Variants in MEF2A observed in about 807,000 individuals in gnomAD.
MEF2A encodes myocyte-specific enhancer factor 2A.
In MEF2A, 28 loss-of-function variants were observed where a neutral mutation model predicts 55.8. The ratio of observed to expected loss-of-function variants is 0.50; its 90% CI spans 0.37 to 0.69. MEF2A has a LOEUF of 0.69. Among genes scored for constraint, MEF2A ranks in the 30% least tolerant of loss-of-function variants. The pLI is 0.00. For synonymous variants in MEF2A, 239 were observed against 227.1 expected, an observed-to-expected ratio of 1.05 and a Z score of -0.47; for missense variants, 528 against 626.2, an observed-to-expected ratio of 0.84 and a Z score of 1.67.
At chr15:99,640,721 G>T (rs2044737274) in intron 3 of MEF2A, among the ~76,000 whole-genome samples, 1 of 151,646 alleles carries the variant, frequency 6.6e-6, no homozygotes, top group South Asian at 2.1e-4. Context: ...GCTAATTTTT[G>T]TACTTTTTGC....
At chr15:99,607,871 C>T (rs540676895) in intron 2 of MEF2A, among the ~76,000 whole-genome samples, 21 of 152,214 alleles carry the variant, frequency 1.4e-4, no homozygotes, top group African/African-American at 3.6e-4. Context: ...TAATGATTTT[C>T]GTAATACTAT....
At chr15:99,625,729 T>A (rs2041941232) in intron 2 of MEF2A, among the ~76,000 whole-genome samples, 1 of 152,158 alleles carries the variant, frequency 6.6e-6, no homozygotes, top group Non-Finnish European at 1.5e-5. Flanking sequence ...CTAATTTAGA[T>A]GATCATGTTT....
chr15:99,645,933 G>T, intron 4 of MEF2A, 169 bp downstream of exon 4: 1 of 508,152 alleles, frequency 2.0e-6, no homozygotes, highest in Non-Finnish European at 3.5e-6. Context: ...ACTCACTTGT[G>T]TTATAAACAT....
chr15:99,622,702 C>CTTTTTTTTTTTTTTTTTTTTTTTT (rs56054040), intron 2 of MEF2A, among the ~76,000 whole-genome samples: 1 of 135,700 alleles, frequency 7.4e-6, no homozygotes, highest in Non-Finnish European at 1.6e-5. Context: ...GTTTTCTTTT[C>CTTTTTTTTTTTTTTTTTTTTTTTT]TTTTTTTTTT....
chr15:99,694,067 C>G (rs987433699), intron 8 of MEF2A, among the ~76,000 whole-genome samples: 1 of 152,112 alleles, frequency 6.6e-6, no homozygotes, highest in East Asian at 1.9e-4. Flanking sequence ...GTGTCTTTTT[C>G]TATTCTAGGA....
At chr15:99,662,180 G>A (rs2048764644) in intron 4 of MEF2A, among the ~76,000 whole-genome samples, 1 of 152,178 alleles carries the variant, frequency 6.6e-6, no homozygotes, top group Admixed American at 6.5e-5. Flanking sequence ...AGGGTTATGG[G>A]ATGAAGGGAG....
chr15:99,675,543 G>A (rs974374350), intron 7 of MEF2A, 85 bp downstream of exon 7: 4 of 1,240,128 alleles, frequency 3.2e-6, no homozygotes, highest in Non-Finnish European at 4.6e-6. Flanking sequence ...AAAGCTTTCT[G>A]GGAAATTTCC....
At chr15:99,621,335 G>A (rs957606225) in intron 2 of MEF2A, among the ~76,000 whole-genome samples, 5 of 151,960 alleles carry the variant, frequency 3.3e-5, no homozygotes, top group Non-Finnish European at 7.4e-5. Context: ...TCTTTTGATT[G>A]TGTTGGGATG....
chr15:99,671,719 T>G, intron 5 of MEF2A: 1 of 1,418,956 alleles, frequency 7.0e-7, no homozygotes, highest in Non-Finnish European at 9.2e-7. Context: ...CCAAACATCT[T>G]GTTGCTTATT....
chr15:99,668,330 C>T (rs554994297), intron 4 of MEF2A, among the ~76,000 whole-genome samples: 7 of 152,242 alleles, frequency 4.6e-5, no homozygotes, highest in African/African-American at 1.7e-4. Flanking sequence ...TAATATTGAT[C>T]TTTATAGCAG....
intron 1 of MEF2A, among the ~76,000 whole-genome samples, chr15:99,577,212 A>G (rs1479348544): frequency 6.6e-6 from 1 of 152,254 alleles, no homozygotes; most frequent in African/African-American, 2.4e-5. Flanking sequence ...AGCATAGTGG[A>G]AGGAATATTA....
At chr15:99,676,937 A>G (rs1345127962) in intron 7 of MEF2A, among the ~76,000 whole-genome samples, 2 of 152,056 alleles carry the variant, frequency 1.3e-5, no homozygotes, top group Non-Finnish European at 2.9e-5. Context: ...CCTGGCCCAC[A>G]TGGCAAAACC....
At chr15:99,672,565 G>T (rs1262117548) in intron 5 of MEF2A, among the ~76,000 whole-genome samples, 2 of 152,162 alleles carry the variant, frequency 1.3e-5, no homozygotes, top group Non-Finnish European at 2.9e-5. Context: ...TAGCATCAGA[G>T]TTAATTCTTT....
Position 99,645,782 on chromosome 15 carries a change from A to G in MEF2A, c.258+18A>G. The G allele has an allele frequency of 2.6e-6, 4 of 1,520,712 alleles. No homozygotes were observed. Among genetic ancestry groups the G allele is most frequent in the Non-Finnish European group, 3.6e-6 (4 of 1,116,816 alleles). The allele number at this position is 1,520,712 out of a possible 1,614,324, so 94.2% of individuals were successfully genotyped here. ...TTGTTGAGGTAACACATATCTAGTA[A>G]TACGTGAATTGCAAGTAATACTGAA... On this transcript the variant is annotated intron_variant, in intron 4 of 11. Coordinates refer to ENST00000557942, the MANE Select transcript of MEF2A (RefSeq NM_001319206.4).
intron 1 of MEF2A, among the ~76,000 whole-genome samples, chr15:99,597,865 A>G (rs1443257165): frequency 6.6e-6 from 1 of 152,208 alleles, no homozygotes; most frequent in Non-Finnish European, 1.5e-5. Context: ...ATAGACAGCC[A>G]TCAGTCTTCT....
chr15:99,658,555 C>T lies in MEF2A; in HGVS notation c.259-12768C>T, dbSNP rs549007737. Among the ~76,000 whole-genome samples the T allele has an allele frequency of 2.6e-5, 4 of 151,450 alleles. No individual in the cohort carries two copies. The East Asian group carries it at 7.7e-4, about 29-fold the overall frequency. ...CAATTTTCTAGGATTGATGAAAGCC[C>T]ACCATCCTTAGATTTAAGAAATTCA... is the stretch of plus-strand genomic sequence containing the variant. On this transcript the variant is annotated intron_variant, in intron 4 of 11. Coordinates refer to ENST00000557942, the MANE Select transcript of MEF2A (RefSeq NM_001319206.4).
chr15:99,692,295 C>CT (rs1468893648), intron 8 of MEF2A, among the ~76,000 whole-genome samples: 1 of 152,290 alleles, frequency 6.6e-6, no homozygotes, highest in Middle Eastern at 3.4e-3. Context: ...GACCAAATCT[C>CT]TAAGTCTTAC....
intron 8 of MEF2A, among the ~76,000 whole-genome samples, chr15:99,702,330 A>G (rs2057491955): frequency 6.6e-6 from 1 of 152,310 alleles, no homozygotes; most frequent in South Asian, 2.1e-4. Context: ...CTGACAGAGA[A>G]GCTTAACTTA....
rs139658538 is a variant in MEF2A at position 99,627,419 on chromosome 15, C to CAAAAAAAA, written c.-142-5535_-142-5528dup. On this transcript the variant is annotated intron_variant, in intron 2 of 11. Transcript: ENST00000557942. ...TGGGCGACAGAGTGAGACTTTATCTCAAAAAAAAAAAAAAAAAAAAAAAAA... is the reference window on the plus strand; with the variant it reads ...TGGGCGACAGAGTGAGACTTTATCTCAAAAAAAAAAAAAAAAAAAAAAAAAAAAAAAAA... Among the ~76,000 whole-genome samples the CAAAAAAAA allele has an allele frequency of 7.9e-4, 34 of 43,056 alleles. 6 individuals are homozygous for CAAAAAAAA. The highest frequency in any genetic ancestry group is 3.4e-3 in the African/African-American group (31 of 9,132). The allele number at this position is 43,056 out of a possible 152,430, so 28.2% of individuals were successfully genotyped here.
Sources: allele counts gnomAD v4.1 joint callset (sites outside exome capture counted in the v4.1 genomes callset), GRCh38; gene constraint gnomAD v4.1.1; transcripts MANE v1.5; gene names NCBI Gene and HGNC (gene_info 2026-07-23, HGNC 2026-07-21).